TP63: variants seen among roughly 807,000 people sequenced by gnomAD.
TP63 encodes tumor protein p63.
A neutral mutation model predicts 82.8 loss-of-function variants in TP63; 17 were observed. The ratio of observed to expected loss-of-function variants is 0.21; its 90% CI spans 0.14 to 0.31. TP63 has a LOEUF of 0.31. Ranked by LOEUF, TP63 falls within the 10% of genes least tolerant of loss-of-function variation. The pLI, the probability that TP63 is intolerant of heterozygous loss-of-function variation, is 1.00. For synonymous variants in TP63, 330 were observed against 321.7 expected, an observed-to-expected ratio of 1.03 and a Z score of -0.28; for missense variants, 648 against 895.3, an observed-to-expected ratio of 0.72 and a Z score of 3.52.
At chr3:189,683,843 G>A (rs1231370548) in intron 1 of TP63, among the ~76,000 whole-genome samples, 1 of 152,156 alleles carries the variant, frequency 6.6e-6, no homozygotes, top group African/African-American at 2.4e-5. Context: ...CAACAACTCA[G>A]CACCTGCTCT....
intron 1 of TP63, among the ~76,000 whole-genome samples, chr3:189,643,189 T>C (rs188293633): frequency 1.5e-3 from 229 of 152,048 alleles, no homozygotes; most frequent in Middle Eastern, 0.01. Flanking sequence ...TTAGTAGAGA[T>C]GGGGTTTTGC....
chr3:189,846,508 G>A (rs372929388), intron 4 of TP63, among the ~76,000 whole-genome samples: 4 of 151,798 alleles, frequency 2.6e-5, no homozygotes, highest in African/African-American at 9.7e-5. Flanking sequence ...TGCTTCCTGG[G>A]AATGAACAAA....
At chr3:189,781,587 G>A (rs1032708762) in intron 3 of TP63, among the ~76,000 whole-genome samples, 2 of 140,984 alleles carry the variant, frequency 1.4e-5, no homozygotes, top group Non-Finnish European at 3.1e-5. Context: ...CCTCCTTTCT[G>A]TTTTGCCTAG....
At chr3:189,835,529 C>T (rs1428357689) in intron 4 of TP63, among the ~76,000 whole-genome samples, 2 of 152,208 alleles carry the variant, frequency 1.3e-5, no homozygotes, top group Non-Finnish European at 2.9e-5. Context: ...GAAAGCATTG[C>T]AATACATTCT....
intron 1 of TP63, among the ~76,000 whole-genome samples, chr3:189,677,636 T>A (rs752127925): frequency 6.6e-6 from 1 of 151,894 alleles, no homozygotes; most frequent in African/African-American, 2.4e-5. Context: ...CTGGATTTAA[T>A]GGTAGTTCTA....
At chr3:189,780,446 C>T (rs1473353530) in intron 3 of TP63, among the ~76,000 whole-genome samples, 2 of 152,176 alleles carry the variant, frequency 1.3e-5, no homozygotes, top group Non-Finnish European at 2.9e-5. Context: ...TTTTCTTGCA[C>T]TCTTGAAGTT....
chr3:189,633,691 A>G (rs530000291), intron 1 of TP63, among the ~76,000 whole-genome samples: 33 of 152,192 alleles, frequency 2.2e-4, no homozygotes, highest in African/African-American at 7.7e-4. Context: ...CTGTGAGACT[A>G]TGGTTCAGAA....
chr3:189,845,311 G>GAAGT (rs1714720218), intron 4 of TP63, among the ~76,000 whole-genome samples: 1 of 152,200 alleles, frequency 6.6e-6, no homozygotes, highest in Admixed American at 6.5e-5. Flanking sequence ...AGATAACAGT[G>GAAGT]AAGTCCTCAA....
chr3:189,729,192 C>G lies in TP63; in HGVS notation c.63-8548C>G, dbSNP rs565404931. Among the ~76,000 whole-genome samples, 5 of 152,168 alleles carry G rather than the reference C, an allele frequency of 3.3e-5. No individual in the cohort carries two copies. The East Asian group carries it at 9.7e-4, about 29-fold the overall frequency. ...GCATTGTATTCAGAGAAATCATTAC[C>G]TTTAAGGAAGAAATTGGTTAGGATA... On this transcript the variant is annotated intron_variant, in intron 1 of 13. Transcript: ENST00000264731.
the TP63 span, among the ~76,000 whole-genome samples, chr3:189,609,189 G>T: frequency 6.6e-6 from 1 of 152,048 alleles, no homozygotes; most frequent in East Asian, 1.9e-4. Context: ...TCTCCTTTTA[G>T]ACATCTTTCC....
the TP63 span, among the ~76,000 whole-genome samples, chr3:189,619,330 T>C: frequency 1.3e-5 from 2 of 152,180 alleles, no homozygotes; most frequent in Admixed American, 6.5e-5. Flanking sequence ...TAGGAAAGGG[T>C]GGTCCATCTC....
Position 189,896,551 on chromosome 3 carries a change from C to T in TP63, c.*2049C>T. ...AAGCACTGTAAACTTCTGCAACAAG[C>T]ATGCAGCTTTGCAAACCCATTAAGG... On this transcript the variant is annotated 3_prime_UTR_variant, in exon 14 of 14. Coordinates refer to ENST00000264731, the MANE Select transcript of TP63 (RefSeq NM_003722.5). 4.7e-6 allele frequency: 1 copy of T among 211,240 alleles called. No individual in the cohort carries two copies. The highest frequency in any genetic ancestry group is 9.6e-6 in the Non-Finnish European group (1 of 103,858). The allele number at this position is 211,240 out of a possible 1,614,324, so 13.1% of individuals were successfully genotyped here.
intron 3 of TP63, among the ~76,000 whole-genome samples, chr3:189,760,235 C>T (rs1722469159): frequency 6.6e-6 from 1 of 152,166 alleles, no homozygotes; most frequent in Admixed American, 6.5e-5. Context: ...AGTCTCAACT[C>T]CTTTCTGCAT....
intron 3 of TP63, among the ~76,000 whole-genome samples, chr3:189,783,096 C>T (rs1012967659): frequency 4.0e-5 from 6 of 151,702 alleles, no homozygotes; most frequent in Non-Finnish European, 7.4e-5. Context: ...AAAGAAAAAT[C>T]GAAGCAAATT....
chr3:189,855,527 A>G (rs2108775440), intron 4 of TP63, among the ~76,000 whole-genome samples: 1 of 152,256 alleles, frequency 6.6e-6, no homozygotes, highest in African/African-American at 2.4e-5. Context: ...AGTATACTAA[A>G]TTATACTATT....
At chr3:189,625,340 G>T in the TP63 span, among the ~76,000 whole-genome samples, 2 of 152,056 alleles carry the variant, frequency 1.3e-5, no homozygotes, top group Non-Finnish European at 2.9e-5. Flanking sequence ...TGCCAAAAGT[G>T]CATTCAAACT....
intron 4 of TP63, among the ~76,000 whole-genome samples, chr3:189,823,023 T>A (rs755957632): frequency 2.8e-4 from 43 of 152,196 alleles, no homozygotes; most frequent in Non-Finnish European, 5.4e-4. Context: ...AAGTTCCCCT[T>A]GAATTCAAAT....
chr3:189,722,443 G>A (rs1157866978), intron 1 of TP63, among the ~76,000 whole-genome samples: 1 of 152,148 alleles, frequency 6.6e-6, no homozygotes, highest in Non-Finnish European at 1.5e-5. Flanking sequence ...TAGAATCTTT[G>A]GACCAGAGGG....
At position 189,866,855 on chromosome 3, in the gene TP63, G is replaced by C. The variant is rs546756661; in HGVS notation, c.882+58G>C. On this transcript the variant is annotated intron_variant, in intron 6 of 13. Coordinates refer to ENST00000264731, the MANE Select transcript of TP63 (RefSeq NM_003722.5). ...ACCTCTATGGACTGAGTAGACTTGA[G>C]AGAACATCTGTTTCAGCAACAGGGA... 2.2e-6 allele frequency: 3 copies of C among 1,360,366 alleles called. No homozygotes were observed. The Admixed American group carries it at 5.1e-5, about 23-fold the overall frequency. The allele number at this position is 1,360,366 out of a possible 1,614,324, so 84.3% of individuals were successfully genotyped here.
Sources: allele counts gnomAD v4.1 joint callset (sites outside exome capture counted in the v4.1 genomes callset), GRCh38; gene constraint gnomAD v4.1.1; transcripts MANE v1.5; gene names NCBI Gene and HGNC (gene_info 2026-07-23, HGNC 2026-07-21).